DLG2: variants seen among roughly 807,000 people sequenced by gnomAD.
The protein encoded by DLG2 is disks large homolog 2.
Under a neutral mutation model 132.5 loss-of-function variants are expected in DLG2, and 45 were observed. That is an observed-to-expected ratio of 0.34 (90% CI 0.27 to 0.44). The LOEUF (loss-of-function observed/expected upper bound fraction) is 0.44. DLG2 is among the 20% of genes least tolerant of loss of function. The pLI is 1.00. For synonymous variants in DLG2, 424 were observed against 419.6 expected (o/e 1.01, Z -0.13); for missense variants, 1,045 against 1,196.9 (o/e 0.87, Z 1.87).
chr11:85,514,217 G>C (rs1258940281), intron 3 of DLG2, among the ~76,000 whole-genome samples: 1 of 151,910 alleles, frequency 6.6e-6, no homozygotes, highest in East Asian at 1.9e-4. Context: ...CATCAACTTT[G>C]TAAGATAGAT....
chr11:85,112,504 C>T (rs1028754738), intron 5 of DLG2, among the ~76,000 whole-genome samples: 6 of 151,934 alleles, frequency 3.9e-5, no homozygotes, highest in Non-Finnish European at 5.9e-5. Flanking sequence ...ATAAGCCATA[C>T]TTTATCTTTT....
In DLG2 at chr11:85,276,269, C is replaced by CT. The variant is rs553606276; in HGVS notation, c.186+8950dup. Among the ~76,000 whole-genome samples the CT allele has an allele frequency of 2.8e-4, 43 of 152,200 alleles. No homozygotes were observed. In the East Asian group the frequency reaches 6.0e-3, roughly 21 times the overall value. On this transcript the variant is annotated intron_variant, in intron 4 of 27. Coordinates refer to ENST00000376104, the MANE Select transcript of DLG2 (RefSeq NM_001142699.3). ...TTTAGGAATGTGGCACTTCCTCTAT[C>CT]TTTTTTGCCAGGATAGTCTGCCTGT...
chr11:84,552,429 T>A (rs1483802819), intron 6 of DLG2, among the ~76,000 whole-genome samples: 2 of 152,182 alleles, frequency 1.3e-5, no homozygotes, highest in East Asian at 1.9e-4. Flanking sequence ...TTGCACTTGT[T>A]ACCTTCCACA....
At chr11:85,281,813 A>T (rs1248906002) in intron 4 of DLG2, among the ~76,000 whole-genome samples, 1 of 152,012 alleles carries the variant, frequency 6.6e-6, no homozygotes, top group Non-Finnish European at 1.5e-5. Context: ...TCCTCAAAAA[A>T]CTAAACTTAG....
chr11:85,459,756 G>T (rs1226937293), intron 3 of DLG2, among the ~76,000 whole-genome samples: 1 of 152,154 alleles, frequency 6.6e-6, no homozygotes, highest in Non-Finnish European at 1.5e-5. Flanking sequence ...GGGGTTGTGG[G>T]CTGTCTCTGG....
chr11:84,784,710 T>C (rs1211987262), intron 6 of DLG2, among the ~76,000 whole-genome samples: 1 of 152,108 alleles, frequency 6.6e-6, no homozygotes, highest in African/African-American at 2.4e-5. Flanking sequence ...GATTCAACAT[T>C]TCTTGGTTTT....
At chr11:83,652,197 G>T (rs1028797605) in intron 18 of DLG2, among the ~76,000 whole-genome samples, 2 of 152,146 alleles carry the variant, frequency 1.3e-5, no homozygotes, top group Admixed American at 6.5e-5. Flanking sequence ...ACAAAGCAGC[G>T]ACTGTAGATC....
chr11:84,664,842 T>C (rs1033624347), intron 6 of DLG2, among the ~76,000 whole-genome samples: 34 of 152,198 alleles, frequency 2.2e-4, no homozygotes, highest in Admixed American at 9.8e-4. Context: ...TATTTCTGTT[T>C]ATGATTGTTA....
intron 7 of DLG2, among the ~76,000 whole-genome samples, chr11:84,390,579 G>A (rs2098789213): frequency 6.6e-6 from 1 of 152,110 alleles, no homozygotes; most frequent in Non-Finnish European, 1.5e-5. Context: ...AAACAGGAAT[G>A]ACCTAAACCT....
chr11:83,873,028 G>C (rs1359865742), intron 16 of DLG2, among the ~76,000 whole-genome samples: 1 of 152,026 alleles, frequency 6.6e-6, no homozygotes, highest in African/African-American at 2.4e-5. Context: ...TTCACACTTA[G>C]GAAATTCTGC....
chr11:84,767,348 C>T (rs2068577493), intron 6 of DLG2, among the ~76,000 whole-genome samples: 1 of 151,926 alleles, frequency 6.6e-6, no homozygotes, highest in South Asian at 2.1e-4. Context: ...CAGACAGACG[C>T]AGAAACAAAC....
intron 16 of DLG2, among the ~76,000 whole-genome samples, chr11:83,859,403 G>T (rs777041438): frequency 6.6e-6 from 1 of 152,222 alleles, no homozygotes; most frequent in South Asian, 2.1e-4. Flanking sequence ...CGGGGAACTT[G>T]TTGGGAACTG....
chr11:83,518,922 A>G (rs1365166090), intron 21 of DLG2, among the ~76,000 whole-genome samples: 1 of 152,152 alleles, frequency 6.6e-6, no homozygotes, highest in Non-Finnish European at 1.5e-5. Flanking sequence ...AGGGGGCTGG[A>G]CTGAGGGGCT....
At chr11:85,499,058 C>A (rs1028351356) in intron 3 of DLG2, among the ~76,000 whole-genome samples, 2 of 145,076 alleles carry the variant, frequency 1.4e-5, no homozygotes, top group Non-Finnish European at 2.9e-5. Flanking sequence ...CAAGAGCAAA[C>A]AAATTCAAAA....
intron 22 of DLG2, among the ~76,000 whole-genome samples, chr11:83,482,740 T>C (rs2093224191): frequency 6.6e-6 from 1 of 152,246 alleles, no homozygotes; most frequent in Admixed American, 6.5e-5. Context: ...TAAAATTTGC[T>C]TTTAGAGAAT....
At chr11:84,259,307 TG>T (rs10717758) in intron 7 of DLG2, among the ~76,000 whole-genome samples, 150,788 of 150,790 alleles carry the variant, frequency 1, 75,393 homozygotes, top group Middle Eastern at 1. Context: ...TACTTATTAC[TG>T]GAGATTAGTT....
intron 9 of DLG2, among the ~76,000 whole-genome samples, chr11:84,110,137 A>T (rs1007446433): frequency 6.6e-6 from 1 of 152,212 alleles, no homozygotes; most frequent in Non-Finnish European, 1.5e-5. Flanking sequence ...AAGGCAGAAA[A>T]CACATATAGG....
At chr11:85,092,656 T>C (rs575165843) in intron 6 of DLG2, among the ~76,000 whole-genome samples, 16 of 151,930 alleles carry the variant, frequency 1.1e-4, no homozygotes, top group Non-Finnish European at 7.4e-5. Context: ...TTTTTTTTTT[T>C]TTTTCAGACA....
At chr11:83,848,800 C>T (rs2154026807) in intron 16 of DLG2, among the ~76,000 whole-genome samples, 1 of 152,264 alleles carries the variant, frequency 6.6e-6, no homozygotes, top group Non-Finnish European at 1.5e-5. Context: ...CCTGTGTGGC[C>T]CTCATGGTCA....
Sources: allele counts gnomAD v4.1 joint callset (sites outside exome capture counted in the v4.1 genomes callset), GRCh38; gene constraint gnomAD v4.1.1; transcripts MANE v1.5; gene names NCBI Gene and HGNC (gene_info 2026-07-23, HGNC 2026-07-21).